CNTN4: variants seen among roughly 807,000 people sequenced by gnomAD.
CNTN4 encodes contactin 4.
CNTN4 carries 77 observed loss-of-function variants against 122.5 expected under a neutral mutation model. The observed-to-expected ratio is 0.63, with a 90% CI of 0.52 to 0.76. CNTN4 has a LOEUF of 0.76. Ranked by LOEUF, CNTN4 falls within the 30% of genes least tolerant of loss-of-function variation. The pLI is 0.00. For synonymous variants in CNTN4, 512 were observed against 447.0 expected (o/e 1.15, Z -1.83); for missense variants, 1,256 against 1,259.1 (o/e 1.00, Z 0.04).
intron 6 of CNTN4, among the ~76,000 whole-genome samples, chr3:2,758,170 G>T (rs1576678931): frequency 6.6e-6 from 1 of 152,092 alleles, no homozygotes; most frequent in South Asian, 2.1e-4. Flanking sequence ...TCAACAAATG[G>T]CTTTTCTTAT....
intron 3 of CNTN4, among the ~76,000 whole-genome samples, chr3:2,441,512 C>T (rs1233753118): frequency 6.6e-6 from 1 of 152,094 alleles, no homozygotes; most frequent in Admixed American, 6.6e-5. Context: ...CCTTTGGGGG[C>T]CTCTTCTTCA....
At chr3:2,194,576 C>T (rs1351288284) in intron 2 of CNTN4, among the ~76,000 whole-genome samples, 1 of 152,120 alleles carries the variant, frequency 6.6e-6, no homozygotes, top group Non-Finnish European at 1.5e-5. Context: ...ACCACCCGTC[C>T]CTCAGAATAT....
intron 3 of CNTN4, among the ~76,000 whole-genome samples, chr3:2,475,951 T>C (rs115915395): frequency 6.6e-6 from 1 of 152,376 alleles, no homozygotes; most frequent in African/African-American, 2.4e-5. Flanking sequence ...GCAAAATGTA[T>C]AAAAGGTGTT....
intron 6 of CNTN4, among the ~76,000 whole-genome samples, chr3:2,781,449 C>CGCTT (rs1411674896): frequency 7.4e-6 from 1 of 134,864 alleles, no homozygotes; most frequent in Non-Finnish European, 1.5e-5. Context: ...AAGAGTCAAA[C>CGCTT]TCTTTGAAGA....
chr3:2,865,603 G>T (rs2093715536), intron 7 of CNTN4, among the ~76,000 whole-genome samples: 1 of 152,160 alleles, frequency 6.6e-6, no homozygotes. Context: ...TGAAGATAAA[G>T]TGGGACATGT....
chr3:2,609,531 G>A (rs2081393735), intron 4 of CNTN4, among the ~76,000 whole-genome samples: 3 of 152,168 alleles, frequency 2.0e-5, no homozygotes, highest in Admixed American at 2.0e-4. Flanking sequence ...CCCAAACAAT[G>A]AAACAACTAT....
chr3:2,786,064 G>A (rs111584688), intron 6 of CNTN4, among the ~76,000 whole-genome samples: 2,895 of 152,056 alleles, frequency 0.019, 96 homozygotes, highest in African/African-American at 0.065. Context: ...GGTTAGAGAG[G>A]AGTTTGTCAG....
In CNTN4 at chr3:2,521,838, A is replaced by G. The variant is rs141578681; in HGVS notation, c.-88-49578A>G. ...AGATGACAGCTTTGTCTTTTTTTCT[A>G]CTATCAGAGGGCTCAACACTGTGGA... On this transcript the variant is annotated intron_variant, in intron 3 of 24. Coordinates refer to ENST00000418658, the MANE Select transcript of CNTN4 (RefSeq NM_175607.3). Among the ~76,000 whole-genome samples the G allele has an allele frequency of 9.3e-3, 1,414 of 152,070 alleles. 20 individuals are homozygous for G. Among genetic ancestry groups the G allele is most frequent in the African/African-American group, 0.033 (1,352 of 41,472 alleles).
chr3:2,167,721 A>G (rs1282113459), intron 2 of CNTN4, among the ~76,000 whole-genome samples: 1 of 152,246 alleles, frequency 6.6e-6, no homozygotes, highest in Admixed American at 6.5e-5. Context: ...GATGACTAAA[A>G]GTAAATGAAA....
chr3:3,039,021 T>C lies in CNTN4; in HGVS notation c.2163+18T>C, dbSNP rs780589066. The C allele has an allele frequency of 3.1e-6, 5 of 1,600,734 alleles. No individual in the cohort carries two copies. Among genetic ancestry groups the C allele is most frequent in the Non-Finnish European group, 4.3e-6 (5 of 1,167,746 alleles). On this transcript the variant is annotated intron_variant, in intron 19 of 24. Coordinates refer to ENST00000418658, the MANE Select transcript of CNTN4 (RefSeq NM_175607.3). The stretch of plus-strand genomic sequence containing the variant: ...CCTGGGAGGTAAATGAATCACAGAA[T>C]AAAAGGAACGTACACGCATCGAAGC...
chr3:2,718,458 C>G (rs116776262), intron 4 of CNTN4, among the ~76,000 whole-genome samples: 1 of 152,144 alleles, frequency 6.6e-6, no homozygotes, highest in Non-Finnish European at 1.5e-5. Flanking sequence ...GATCCTACTT[C>G]AGGATGCTTT....
chr3:3,003,792 CAGGCTGGAGTGCAGTAGCATG>C (rs1696320208), intron 14 of CNTN4, among the ~76,000 whole-genome samples: 1 of 151,632 alleles, frequency 6.6e-6, no homozygotes, highest in Non-Finnish European at 1.5e-5. Flanking sequence ...TTCTGTCACC[CAGGCTGGAGTGCAGTAGCATG>C]ATCATAGCTC....
intron 3 of CNTN4, among the ~76,000 whole-genome samples, chr3:2,402,467 A>T (rs953295576): frequency 1.8e-4 from 28 of 152,244 alleles, no homozygotes; most frequent in African/African-American, 6.7e-4. Flanking sequence ...GGATATTTTG[A>T]AACAAACATA....
chr3:2,795,278 G>C (rs2092135148), intron 6 of CNTN4, among the ~76,000 whole-genome samples: 1 of 152,100 alleles, frequency 6.6e-6, no homozygotes, highest in South Asian at 2.1e-4. Flanking sequence ...GGCTGACCCT[G>C]ATCCTGAAAG....
intron 2 of CNTN4, among the ~76,000 whole-genome samples, chr3:2,328,390 A>C (rs543677311): frequency 6.6e-6 from 1 of 151,786 alleles, no homozygotes; most frequent in Non-Finnish European, 1.5e-5. Flanking sequence ...TGGGCGACAG[A>C]GCGAGACTCC....
chr3:2,274,426 C>A lies in CNTN4; in HGVS notation c.-144-64752C>A, dbSNP rs146555529. Among the ~76,000 whole-genome samples the A allele has an allele frequency of 3.4e-3, 518 of 152,104 alleles. 4 individuals are homozygous for A. The highest frequency in any genetic ancestry group is 0.012 in the African/African-American group (493 of 41,522). ...ACAAACAAACAACCCAGGAATCATT[C>A]TAGACATTATTTGTTTCTCAAATCT... On this transcript the variant is annotated intron_variant, in intron 2 of 24. Transcript: ENST00000418658.
At chr3:2,972,737 T>G (rs1346265998) in intron 13 of CNTN4, among the ~76,000 whole-genome samples, 1 of 152,196 alleles carries the variant, frequency 6.6e-6, no homozygotes, top group Non-Finnish European at 1.5e-5. Flanking sequence ...ATATACATAG[T>G]GCAATATCTT....
chr3:2,759,837 C>A (rs902870233), intron 6 of CNTN4, among the ~76,000 whole-genome samples: 5 of 152,164 alleles, frequency 3.3e-5, no homozygotes, highest in African/African-American at 1.2e-4. Context: ...TCCTCACTAG[C>A]ACTTGCTATT....
intron 2 of CNTN4, among the ~76,000 whole-genome samples, chr3:2,157,066 G>A (rs1455817972): frequency 6.6e-6 from 1 of 152,174 alleles, no homozygotes; most frequent in Non-Finnish European, 1.5e-5. Context: ...TTCATTGTGA[G>A]ATATGTGTGT....
Sources: gnomAD v4.1 joint callset for allele counts (sites outside exome capture counted in the v4.1 genomes callset) on GRCh38, gnomAD v4.1.1 for gene constraint, MANE v1.5 for transcripts, NCBI Gene and HGNC (gene_info 2026-07-23, HGNC 2026-07-21) for gene names.